The following SLC38A3 variants were observed in gnomAD, a reference collection of about 807,000 sequenced individuals.
SLC38A3 encodes solute carrier family 38 member 3, also known as sodium-coupled neutral amino acid transporter 3.
In SLC38A3, 17 loss-of-function variants were observed where a neutral mutation model predicts 59.5. That is an observed-to-expected ratio of 0.29 (90% CI 0.20 to 0.43). The LOEUF is 0.43. Among genes scored for constraint, SLC38A3 ranks in the 20% least tolerant of loss-of-function variants. The pLI is 1.00. For synonymous variants in SLC38A3, 238 were observed against 260.3 expected (o/e 0.91, Z 0.82); for missense variants, 454 against 653.9 (o/e 0.69, Z 3.33).
In SLC38A3 at chr3:50,220,414, G is replaced by A. The variant is rs954446292; in HGVS notation, c.*237G>A. On this transcript the variant is annotated 3_prime_UTR_variant, in exon 16 of 16. Transcript: ENST00000614032. Reference sequence around the variant, plus strand: ...TAGAGGCTTCCTGAACTGGGAGCAGGGTAGGGCTGTCGCCTTAGATCCCGC... The same window carrying A: ...TAGAGGCTTCCTGAACTGGGAGCAGAGTAGGGCTGTCGCCTTAGATCCCGC... The A allele has an allele frequency of 3.7e-6, 2 of 543,990 alleles. No homozygotes were observed. Among genetic ancestry groups the A allele is most frequent in the Non-Finnish European group, 6.6e-6 (2 of 301,474 alleles). The allele number at this position is 543,990 out of a possible 1,614,324, so 33.7% of individuals were successfully genotyped here.
At chr3:50,220,045 G>A in intron 15 of SLC38A3, 28 bp from the exon 16 acceptor site, 1 of 1,602,164 alleles carries the variant, frequency 6.2e-7, no homozygotes, top group Non-Finnish European at 8.5e-7. Context: ...CCTGACCTCG[G>A]ACCTGACCCT....
In SLC38A3 at chr3:50,214,646, C is replaced by G; in HGVS notation, c.184-7C>G. 2 of 1,531,438 alleles carry G rather than the reference C, an allele frequency of 1.3e-6. No individual in the cohort carries two copies. The highest frequency in any genetic ancestry group is 1.8e-6 in the Non-Finnish European group (2 of 1,107,548). The allele number at this position is 1,531,438 out of a possible 1,614,324, so 94.9% of individuals were successfully genotyped here. On this transcript the variant is annotated splice_polypyrimidine_tract_variant and splice_region_variant and intron_variant, in intron 3 of 15. Coordinates refer to ENST00000614032, the MANE Select transcript of SLC38A3 (RefSeq NM_006841.6). The surrounding 1 kb of genome is among the most constrained non-coding windows in gnomAD (Gnocchi z 6.0). ...CCACCCTCCCCGTCCCATTCTGGTGCCTGCAGTTCGAGGGGAAGACATCAT... is the reference window on the plus strand; with the variant it reads ...CCACCCTCCCCGTCCCATTCTGGTGGCTGCAGTTCGAGGGGAAGACATCAT...
chr3:50,219,808 T>C, intron 14 of SLC38A3, 73 bp from the exon 15 acceptor site: 1 of 1,257,938 alleles, frequency 7.9e-7, no homozygotes, highest in Non-Finnish European at 1.1e-6. Flanking sequence ...TTGATCTCAT[T>C]GAAGAGTCCA....
intron 1 of SLC38A3, among the ~76,000 whole-genome samples, chr3:50,208,776 C>T (rs1159375468): frequency 3.3e-5 from 5 of 152,166 alleles, no homozygotes; most frequent in Admixed American, 2.0e-4. Context: ...CACCCTGGGC[C>T]GCTGCATCTC....
chr3:50,205,905 G>A (rs1699640133), intron 1 of SLC38A3, among the ~76,000 whole-genome samples: 1 of 152,258 alleles, frequency 6.6e-6, no homozygotes, highest in African/African-American at 2.4e-5. Flanking sequence ...CGCCTGAGGG[G>A]CCGCGGGGTA....
In SLC38A3 at chr3:50,214,986, C is replaced by G; in HGVS notation, c.299+218C>G. 1.7e-6 allele frequency: 1 copy of G among 597,850 alleles called. No homozygotes were observed. The highest frequency in any genetic ancestry group is 3.0e-6 in the Non-Finnish European group (1 of 338,116). The allele number at this position is 597,850 out of a possible 1,614,324, so 37.0% of individuals were successfully genotyped here. A position where few individuals can be genotyped will look rare whatever the true frequency, so the allele number is the denominator to read the frequency against. On this transcript the variant is annotated intron_variant, in intron 4 of 15. Transcript: ENST00000614032. This position sits in a 1 kb window ranked among gnomAD's most constrained non-coding sequence, Gnocchi z 6.0. The stretch of plus-strand genomic sequence containing the variant: ...GAGGTCACAACACAGGCCGGTCTTA[C>G]AGGCCAGAGACTGTCCTTTTGGCAC...
chr3:50,218,184 T>C lies in SLC38A3; in HGVS notation c.936-86T>C. 1.8e-6 allele frequency: 2 copies of C among 1,127,190 alleles called. No homozygotes were observed. The highest frequency in any genetic ancestry group is 2.7e-6 in the Non-Finnish European group (2 of 743,358). 69.8% of individuals were successfully genotyped at this position (1,127,190 alleles called of 1,614,324 possible). A position where few individuals can be genotyped will look rare whatever the true frequency, so the allele number is the denominator to read the frequency against. On this transcript the variant is annotated intron_variant, in intron 11 of 15. Coordinates refer to ENST00000614032, the MANE Select transcript of SLC38A3 (RefSeq NM_006841.6). The surrounding 1 kb of genome is among the most constrained non-coding windows in gnomAD (Gnocchi z 5.8). ...CCTCAGATGCTGAATGGTGAAAGTA[T>C]GGTGCCAGAGAGAGCTTGGGGCACA...
intron 1 of SLC38A3, among the ~76,000 whole-genome samples, chr3:50,209,993 C>T (rs1699701728): frequency 6.6e-6 from 1 of 152,140 alleles, no homozygotes; most frequent in African/African-American, 2.4e-5. Context: ...GTGTCTTTTC[C>T]CTGTTCTAAC....
intron 14 of SLC38A3, 30 bp from the exon 15 acceptor site, chr3:50,219,851 C>T (rs1575427872): frequency 6.4e-7 from 1 of 1,567,028 alleles, no homozygotes; most frequent in Non-Finnish European, 8.7e-7. Flanking sequence ...AGGATATGAG[C>T]CAGCAGTGGC....
chr3:50,212,580 G>A (rs1275911594), intron 1 of SLC38A3, among the ~76,000 whole-genome samples: 1 of 152,166 alleles, frequency 6.6e-6, no homozygotes, highest in East Asian at 1.9e-4. Context: ...CAGGTTTGAG[G>A]GATGCAAGAG....
chr3:50,218,568 T>C lies in SLC38A3; in HGVS notation c.1037-25T>C. On this transcript the variant is annotated intron_variant, in intron 12 of 15. Transcript: ENST00000614032. This position sits in a 1 kb window ranked among gnomAD's most constrained non-coding sequence, Gnocchi z 5.8. ...CCACCTCCTTCCTGGGGCCACCTAC[T>C]GACCACCCTCCCTGCCTGCCACAGA... 1 of 1,607,834 alleles carries C rather than the reference T, an allele frequency of 6.2e-7. No homozygotes were observed. Among genetic ancestry groups the C allele is most frequent in the Non-Finnish European group, 8.5e-7 (1 of 1,176,934 alleles).
rs758306308 is a variant in SLC38A3, at chr3:50,214,732, C to T, written c.263C>T (p.Ala88Val). The change falls in exon 4 of 16, where the codon GCC becomes GTC. Residue 88 changes from alanine (A) to valine (V), a missense_variant. Coordinates refer to ENST00000614032, the MANE Select transcript of SLC38A3 (RefSeq NM_006841.6). This position sits in a 1 kb window ranked among gnomAD's most constrained non-coding sequence, Gnocchi z 6.0. ...ATGGGCAGCGGCATCCTGGGACTCG[C>T]CTATGCCATGGCCAATACGGGCATT... Reference protein sequence around the residue: ...AIMGSGILGLAYAMANTGIIL... With the variant: ...AIMGSGILGLVYAMANTGIIL... 2 of 1,613,330 alleles carry T rather than the reference C, an allele frequency of 1.2e-6. No individual in the cohort carries two copies. Among genetic ancestry groups the T allele is most frequent in the Non-Finnish European group, 1.7e-6 (2 of 1,179,502 alleles).
rs371013572 is a variant in SLC38A3, at chr3:50,220,510, A to G, written c.*333A>G. The G allele has an allele frequency of 9.0e-6, 3 of 331,820 alleles. No homozygotes were observed. Among genetic ancestry groups the G allele is most frequent in the Non-Finnish European group, 5.7e-6 (1 of 174,526 alleles). The allele number at this position is 331,820 out of a possible 1,614,324, so 20.6% of individuals were successfully genotyped here. ...CAGCAGCTGCCTCCTGAGGTGACAC[A>G]GCCTGTAGGAACATACACAGCTGGG... On this transcript the variant is annotated 3_prime_UTR_variant, in exon 16 of 16. Coordinates refer to ENST00000614032, the MANE Select transcript of SLC38A3 (RefSeq NM_006841.6).
intron 1 of SLC38A3, among the ~76,000 whole-genome samples, chr3:50,205,797 C>T (rs548784585): frequency 6.6e-6 from 1 of 152,358 alleles, no homozygotes; most frequent in East Asian, 1.9e-4. Context: ...CCCCGACGGG[C>T]GCCTGACAGG....
intron 1 of SLC38A3, among the ~76,000 whole-genome samples, chr3:50,205,558 A>G (rs1010693867): frequency 1.3e-5 from 2 of 152,250 alleles, no homozygotes; most frequent in African/African-American, 4.8e-5. Flanking sequence ...GCCGAGCTTA[A>G]GCAGGGCCCT....
Position 50,214,160 on chromosome 3 carries a change from T to C in SLC38A3, c.-40T>C. On this transcript the variant is annotated 5_prime_UTR_variant, in exon 2 of 16. Transcript: ENST00000614032. The surrounding 1 kb of genome is among the most constrained non-coding windows in gnomAD (Gnocchi z 6.0). ...CGGCTGCTCTGCAGACATCTGACTG[T>C]TGGTGTGAGACCAGTGCTCCTGGTG... The C allele has an allele frequency of 6.3e-7, 1 of 1,584,278 alleles. No individual in the cohort carries two copies.
intron 1 of SLC38A3, among the ~76,000 whole-genome samples, 187 bp from the exon 2 acceptor site, chr3:50,213,962 A>G (rs1482032098): frequency 6.6e-6 from 1 of 152,140 alleles, no homozygotes; most frequent in Non-Finnish European, 1.5e-5. Context: ...AGAACGTCCT[A>G]GGAACTCAGG....
rs76644847 is a variant in SLC38A3 at position 50,215,214 on chromosome 3, G to C, written c.300-172G>C. ...TGTGTCGCACCCTGGATCAAAGGGG[G>C]TGGTGTTCATCACCCCTGGGGCCTG... is the stretch of plus-strand genomic sequence containing the variant. On this transcript the variant is annotated intron_variant, in intron 4 of 15. Coordinates refer to ENST00000614032, the MANE Select transcript of SLC38A3 (RefSeq NM_006841.6). This position sits in a 1 kb window ranked among gnomAD's most constrained non-coding sequence, Gnocchi z 7.1. The C allele has an allele frequency of 3.2e-6, 2 of 625,266 alleles. No individual in the cohort carries two copies. Among genetic ancestry groups the C allele is most frequent in the Non-Finnish European group, 5.7e-6 (2 of 350,636 alleles). The allele number at this position is 625,266 out of a possible 1,614,324, so 38.7% of individuals were successfully genotyped here. A position where few individuals can be genotyped will look rare whatever the true frequency, so the allele number is the denominator to read the frequency against.
intron 1 of SLC38A3, among the ~76,000 whole-genome samples, chr3:50,205,986 C>T (rs970393491): frequency 6.6e-6 from 1 of 152,254 alleles, no homozygotes; most frequent in African/African-American, 2.4e-5. Context: ...GCGCGAGTGG[C>T]TCCCTGACCT....
Sources: allele counts gnomAD v4.1 joint callset (sites outside exome capture counted in the v4.1 genomes callset), GRCh38; gene constraint gnomAD v4.1.1; non-coding constraint Gnocchi (gnomAD v3.1); transcripts MANE v1.5; gene names NCBI Gene and HGNC (gene_info 2026-07-23, HGNC 2026-07-21).